FLT3: variants seen among roughly 807,000 people sequenced by gnomAD.
FLT3 encodes the protein receptor-type tyrosine-protein kinase FLT3.
Under a neutral mutation model 126.6 loss-of-function variants are expected in FLT3, and 46 were observed. The observed-to-expected ratio is 0.36, with a 90% CI of 0.29 to 0.46. The LOEUF (loss-of-function observed/expected upper bound fraction) is 0.46. FLT3 is among the 20% of genes least tolerant of loss of function. The probability of loss-of-function intolerance (pLI) is 1.00; values close to 1 mark genes in which losing one functional copy is unlikely to be tolerated. For missense variants in FLT3, 1,069 were observed against 1,190.3 expected, an observed-to-expected ratio of 0.90 and a Z score of 1.50; for synonymous variants, 404 against 434.4, an observed-to-expected ratio of 0.93 and a Z score of 0.87.
intron 15 of FLT3, among the ~76,000 whole-genome samples, chr13:28,031,593 G>C (rs892190362): frequency 6.6e-6 from 1 of 152,198 alleles, no homozygotes. Flanking sequence ...GTCGCACATT[G>C]CAAGGGCCTC....
At chr13:28,006,795 G>A (rs189095805) in intron 23 of FLT3, among the ~76,000 whole-genome samples, 45 of 149,598 alleles carry the variant, frequency 3.0e-4, no homozygotes, top group Admixed American at 8.7e-4. Flanking sequence ...TGCCCAGGCT[G>A]GAGTGTTGTG....
intron 1 of FLT3, among the ~76,000 whole-genome samples, chr13:28,089,361 T>G (rs1009041821): frequency 1.3e-5 from 2 of 152,136 alleles, no homozygotes; most frequent in African/African-American, 4.8e-5. Context: ...TCTGAGGTAT[T>G]TACCCAAAAG....
chr13:28,086,956 ACTTT>A (rs1366237580), intron 1 of FLT3, among the ~76,000 whole-genome samples: 1 of 151,874 alleles, frequency 6.6e-6, no homozygotes, highest in Non-Finnish European at 1.5e-5. Flanking sequence ...TGTCTGAAGA[ACTTT>A]CTTTAACAGT....
intron 1 of FLT3, among the ~76,000 whole-genome samples, chr13:28,073,953 A>G (rs933908543): frequency 3.4e-5 from 5 of 148,514 alleles, no homozygotes; most frequent in East Asian, 1.9e-4. Flanking sequence ...AAAAAAAAAA[A>G]AAAGAAAAGA....
In FLT3 at chr13:28,072,519, C is replaced by G. The variant is rs368447643; in HGVS notation, c.44-1907G>C. 6.5e-4 allele frequency among the ~76,000 whole-genome samples: 99 copies of G among 152,252 alleles called. 1 individual carries two copies. The East Asian group carries it at 0.016, about 25-fold the overall frequency. On this transcript the variant is annotated intron_variant, in intron 1 of 23. Coordinates refer to ENST00000241453, the MANE Select transcript of FLT3 (RefSeq NM_004119.3). ...TTGAGTGATTCTCCTGCCTCAGCCTCCCAAGTAGCTGGGATCACGGGTGTG... is the reference window on the plus strand; with the variant it reads ...TTGAGTGATTCTCCTGCCTCAGCCTGCCAAGTAGCTGGGATCACGGGTGTG...
At chr13:28,021,828 C>T (rs1426907456) in intron 19 of FLT3, among the ~76,000 whole-genome samples, 7 of 151,646 alleles carry the variant, frequency 4.6e-5, no homozygotes, top group African/African-American at 1.7e-4. Context: ...CTGCAAGCTC[C>T]GCCTCCCAGG....
intron 8 of FLT3, among the ~76,000 whole-genome samples, 192 bp from the exon 9 acceptor site, chr13:28,048,635 T>C (rs1593259637): frequency 6.6e-6 from 1 of 152,084 alleles, no homozygotes; most frequent in South Asian, 2.1e-4. Context: ...GAGCTCATCA[T>C]CTTTCGAAGT....
rs1238533990 is a variant in FLT3, at chr13:28,070,546, A to G, written c.110T>C (p.Leu37Ser). Residue 37 changes from leucine (L) to serine (S), a missense_variant, in exon 2 of 24, where the codon TTA becomes TCA. Leu to Ser is a moderately radical substitution (Grantham distance 145). Transcript: ENST00000241453. ...TGAATCATTGTTCTTATGATTGATT[A>G]AAACACACTTGATCACAGGCAGATC... The part of the protein sequence containing the change: ...NQDLPVIKCV[L>S]INHKNNDSSV... 6.2e-7 allele frequency: 1 copy of G among 1,606,260 alleles called. No homozygotes were observed. Among genetic ancestry groups the G allele is most frequent in the Admixed American group, 1.7e-5 (1 of 60,018 alleles).
chr13:28,091,771 T>TA (rs1448122193), intron 1 of FLT3, among the ~76,000 whole-genome samples: 15 of 151,974 alleles, frequency 9.9e-5, no homozygotes, highest in Admixed American at 9.8e-4. Context: ...CTCATCTCTA[T>TA]AAAAATAAAA....
intron 9 of FLT3, among the ~76,000 whole-genome samples, chr13:28,039,335 G>A (rs554364681): frequency 6.6e-6 from 1 of 151,938 alleles, no homozygotes; most frequent in South Asian, 2.1e-4. Flanking sequence ...CTGAGTAGCT[G>A]AGATTACAGG....
chr13:28,010,665 T>C (rs917425219), intron 23 of FLT3, among the ~76,000 whole-genome samples: 2 of 152,184 alleles, frequency 1.3e-5, no homozygotes, highest in African/African-American at 2.4e-5. Context: ...CCACTCTTTC[T>C]CTCTGGTTCT....
chr13:28,031,167 A>G (rs375473519), intron 15 of FLT3, among the ~76,000 whole-genome samples: 76 of 151,108 alleles, frequency 5.0e-4, no homozygotes, highest in African/African-American at 1.7e-3. Flanking sequence ...GGCGGAGCTT[A>G]CAGTGAGCTG....
rs574458834 is a variant in FLT3 at position 28,073,110 on chromosome 13, G to A, written c.44-2498C>T. ...AATCCCAGCACTTTGGGAGGCTGAG[G>A]TGGGTGGATTGCTTGAGGCCAGGAG... On this transcript the variant is annotated intron_variant, in intron 1 of 23. Transcript: ENST00000241453. 1.6e-3 allele frequency among the ~76,000 whole-genome samples: 241 copies of A among 152,288 alleles called. 1 individual carries two copies. The highest frequency in any genetic ancestry group is 5.6e-3 in the African/African-American group (231 of 41,574).
chr13:28,039,548 CTTT>C (rs10564719), intron 9 of FLT3, among the ~76,000 whole-genome samples: 1,494 of 120,660 alleles, frequency 0.012, 16 homozygotes, highest in Middle Eastern at 0.018. Context: ...TGCAATAAAA[CTTT>C]TTTTTTTTTT....
intron 19 of FLT3, among the ~76,000 whole-genome samples, chr13:28,020,254 G>A (rs537835126): frequency 1.1e-4 from 17 of 152,162 alleles, no homozygotes; most frequent in Non-Finnish European, 2.2e-4. Flanking sequence ...CCCCCAACCA[G>A]GTCTGCTGTG....
At chr13:28,085,686 CTT>C (rs1396955134) in intron 1 of FLT3, among the ~76,000 whole-genome samples, 1 of 142,300 alleles carries the variant, frequency 7.0e-6, no homozygotes, top group Non-Finnish European at 1.5e-5. Context: ...AAATGGCTCT[CTT>C]TGTTTCTAGC....
intron 1 of FLT3, among the ~76,000 whole-genome samples, chr13:28,077,423 C>A (rs567510929): frequency 6.6e-6 from 1 of 152,108 alleles, no homozygotes; most frequent in South Asian, 2.1e-4. Flanking sequence ...AAAAGCAGAA[C>A]CCCCTGATAA....
At chr13:28,037,946 G>A (rs564150095) in intron 9 of FLT3, among the ~76,000 whole-genome samples, 18 of 152,238 alleles carry the variant, frequency 1.2e-4, no homozygotes, top group East Asian at 5.8e-4. Context: ...GTTTCATCCC[G>A]AAACCATCCC....
Position 28,062,141 on chromosome 13 carries a change from A to C in FLT3, c.166-72T>G, listed in dbSNP as rs965689318. On this transcript the variant is annotated intron_variant, in intron 2 of 23. Transcript: ENST00000241453. ...AAGGCCTCCCCTTCTTCACATCAAAACTTTATCAAACATATGCATGCTGAC... is the reference window on the plus strand; with the variant it reads ...AAGGCCTCCCCTTCTTCACATCAAACCTTTATCAAACATATGCATGCTGAC... 1.9e-5 allele frequency: 22 copies of C among 1,129,472 alleles called. No individual in the cohort carries two copies. The African/African-American group carries it at 3.1e-4, about 16-fold the overall frequency. The allele number at this position is 1,129,472 out of a possible 1,614,324, so 70.0% of individuals were successfully genotyped here.
Sources: allele counts gnomAD v4.1 joint callset (sites outside exome capture counted in the v4.1 genomes callset), GRCh38; gene constraint gnomAD v4.1.1; transcripts MANE v1.5; gene names NCBI Gene and HGNC (gene_info 2026-07-23, HGNC 2026-07-21).